Variants in VNN1 observed in about 807,000 individuals in gnomAD.
VNN1 encodes the protein vanin 1.
VNN1 carries 29 observed loss-of-function variants against 41.9 expected under a neutral mutation model. That is an observed-to-expected ratio of 0.69 (90% CI 0.52 to 0.94). The LOEUF (loss-of-function observed/expected upper bound fraction) is 0.94, where lower values mean the gene tolerates loss of function less well. Ranked by LOEUF, VNN1 falls within the 40% of genes least tolerant of loss-of-function variation. VNN1 has a pLI of 0.00. For synonymous variants in VNN1, 233 were observed against 224.4 expected, an observed-to-expected ratio of 1.04 and a Z score of -0.34; for missense variants, 637 against 621.1, an observed-to-expected ratio of 1.03 and a Z score of -0.27.
rs1208670140 is a variant in VNN1, at chr6:132,699,125, T to C, written c.342-4943A>G. 2.8e-5 allele frequency: 9 copies of C among 321,126 alleles called. No homozygotes were observed. The Middle Eastern group carries it at 1.6e-3, about 58-fold the overall frequency. 19.9% of individuals were successfully genotyped at this position (321,126 alleles called of 1,614,324 possible). ...AATAGAAGAGGAAAGGGATGTCCCA[T>C]TGGCAACTGATGTGTTCCAAATAGG... On this transcript the variant is annotated intron_variant, in intron 2 of 6. Transcript: ENST00000367928.
Position 132,682,743 on chromosome 6 carries a change from A to G in VNN1, c.*397T>C, listed in dbSNP as rs1778144100. On this transcript the variant is annotated 3_prime_UTR_variant, in exon 7 of 7. Coordinates refer to ENST00000367928, the MANE Select transcript of VNN1 (RefSeq NM_004666.3). ...TAAAAAACAAAAAGAGCAAACAAAC[A>G]AAGTCATTGGAAATTTTCAGCAGAG... The G allele has an allele frequency of 6.5e-6, 1 of 153,584 alleles. No homozygotes were observed. Among genetic ancestry groups the G allele is most frequent in the South Asian group, 2.1e-4 (1 of 4,854 alleles). 9.5% of individuals were successfully genotyped at this position (153,584 alleles called of 1,614,324 possible). A position where few individuals can be genotyped will look rare whatever the true frequency, so the allele number is the denominator to read the frequency against.
chr6:132,692,169 T>A, intron 5 of VNN1, 54 bp downstream of exon 5: 1 of 1,496,278 alleles, frequency 6.7e-7, no homozygotes, highest in South Asian at 1.4e-5. Context: ...AAACTGTATA[T>A]TTAACTGAGT....
In VNN1 at chr6:132,682,877, G is replaced by GA. The variant is rs2114326380; in HGVS notation, c.*262_*263insT. 1 of 226,654 alleles carries GA rather than the reference G, an allele frequency of 4.4e-6. No individual in the cohort carries two copies. Among genetic ancestry groups the GA allele is most frequent in the Non-Finnish European group, 8.4e-6 (1 of 118,664 alleles). 14.0% of individuals were successfully genotyped at this position (226,654 alleles called of 1,614,324 possible). Reference sequence around the variant, plus strand: ...TCTACCCGTAGTTTTTATTTCTTCTGCGTAAAAGATTTGTGATACTTATTT... The same window carrying GA: ...TCTACCCGTAGTTTTTATTTCTTCTGACGTAAAAGATTTGTGATACTTATTT... On this transcript the variant is annotated 3_prime_UTR_variant, in exon 7 of 7. Transcript: ENST00000367928.
intron 5 of VNN1, among the ~76,000 whole-genome samples, chr6:132,691,914 G>T (rs1189150374): frequency 6.6e-6 from 1 of 151,792 alleles, no homozygotes; most frequent in African/African-American, 2.4e-5. Flanking sequence ...AGGCTGAGGC[G>T]TGAGAATTGC....
chr6:132,711,397 T>C (rs1433030278), intron 2 of VNN1, among the ~76,000 whole-genome samples: 1 of 152,212 alleles, frequency 6.6e-6, no homozygotes, highest in Non-Finnish European at 1.5e-5. Context: ...GACTCTCTTT[T>C]GCCATTTACT....
chr6:132,703,483 T>G (rs1778476251), intron 2 of VNN1, among the ~76,000 whole-genome samples: 1 of 152,160 alleles, frequency 6.6e-6, no homozygotes, highest in Non-Finnish European at 1.5e-5. Context: ...TGTTAAGTTG[T>G]CATCACTTTA....
At chr6:132,684,721 T>TA (rs370634739) in intron 5 of VNN1, among the ~76,000 whole-genome samples, 4,304 of 148,666 alleles carry the variant, frequency 0.029, 194 homozygotes, top group African/African-American at 0.099. Context: ...TAGATGCTCT[T>TA]AAAAAAAAAA....
chr6:132,683,422 C>G (rs1224284994), intron 6 of VNN1, 100 bp from the exon 7 acceptor site: 2 of 1,258,124 alleles, frequency 1.6e-6, no homozygotes, highest in African/African-American at 1.5e-5. Context: ...AACAAAAATA[C>G]TGGCCAAATT....
intron 1 of VNN1, 129 bp downstream of exon 1, chr6:132,713,696 TA>T: frequency 1.0e-6 from 1 of 965,718 alleles, no homozygotes; most frequent in Non-Finnish European, 1.5e-6. Flanking sequence ...AACTGTAAAA[TA>T]AAGGTTCTTG....
chr6:132,699,236 G>T, intron 2 of VNN1: 1 of 292,560 alleles, frequency 3.4e-6, no homozygotes, highest in Non-Finnish European at 6.8e-6. Context: ...AGCTACTACT[G>T]CCTTTCAATT....
intron 5 of VNN1, among the ~76,000 whole-genome samples, chr6:132,689,270 A>AACACACAC (rs58998291): frequency 0.023 from 3,452 of 151,504 alleles, 127 homozygotes; most frequent in African/African-American, 0.079. Context: ...TTTGTTGAGA[A>AACACACAC]ACACACACAC....
At chr6:132,704,349 C>T (rs1198366661) in intron 2 of VNN1, among the ~76,000 whole-genome samples, 1 of 151,912 alleles carries the variant, frequency 6.6e-6, no homozygotes, top group African/African-American at 2.4e-5. Flanking sequence ...AAATTGAGAT[C>T]ATATCAAGTA....
At chr6:132,689,077 C>T (rs758718985) in intron 5 of VNN1, among the ~76,000 whole-genome samples, 28 of 152,074 alleles carry the variant, frequency 1.8e-4, no homozygotes, top group Non-Finnish European at 3.7e-4. Flanking sequence ...TTAGTAGAGA[C>T]AGGTTTCACC....
chr6:132,705,291 C>G (rs1394650927), intron 2 of VNN1, among the ~76,000 whole-genome samples: 1 of 152,028 alleles, frequency 6.6e-6, no homozygotes, highest in Non-Finnish European at 1.5e-5. Context: ...ACTAGCAAAC[C>G]AAATGCAACG....
intron 2 of VNN1, among the ~76,000 whole-genome samples, chr6:132,703,318 A>G (rs112317604): frequency 0.013 from 1,988 of 152,288 alleles, 37 homozygotes; most frequent in African/African-American, 0.044. Flanking sequence ...AAACTAAAAG[A>G]TGAACCAATC....
At position 132,680,983 on chromosome 6, in the gene VNN1, C is replaced by T. The variant is rs1233886069; in HGVS notation, c.*2157G>A. Among the ~76,000 whole-genome samples the T allele has an allele frequency of 1.3e-5, 2 of 152,014 alleles. No individual in the cohort carries two copies. Among genetic ancestry groups the T allele is most frequent in the Non-Finnish European group, 2.9e-5 (2 of 67,982 alleles). On this transcript the variant is annotated 3_prime_UTR_variant, in exon 7 of 7. Transcript: ENST00000367928. Reference sequence around the variant, plus strand: ...ATAGCAAAAAGAAAAGGAAAACAATCCTATTTTTTAAATTACATTGCAATA... The same window carrying T: ...ATAGCAAAAAGAAAAGGAAAACAATTCTATTTTTTAAATTACATTGCAATA...
chr6:132,694,990 T>A (rs1699085581), intron 2 of VNN1, among the ~76,000 whole-genome samples: 1 of 152,034 alleles, frequency 6.6e-6, no homozygotes, highest in South Asian at 2.1e-4. Context: ...CCGTCTCTAC[T>A]AAAAATACAA....
chr6:132,683,410 G>T (rs1345534917), intron 6 of VNN1, 88 bp from the exon 7 acceptor site: 1 of 1,359,800 alleles, frequency 7.4e-7, no homozygotes, highest in East Asian at 2.6e-5. Flanking sequence ...ACAGAATGAA[G>T]AAACAAAAAT....
chr6:132,700,362 C>T (rs987985524), intron 2 of VNN1, among the ~76,000 whole-genome samples: 1 of 152,118 alleles, frequency 6.6e-6, no homozygotes, highest in African/African-American at 2.4e-5. Flanking sequence ...GAGCTCTGCC[C>T]CTCAGATGCT....
Sources: allele counts gnomAD v4.1 joint callset (sites outside exome capture counted in the v4.1 genomes callset), GRCh38; gene constraint gnomAD v4.1.1; transcripts MANE v1.5; gene names NCBI Gene and HGNC (gene_info 2026-07-23, HGNC 2026-07-21).